The following RNF144A variants were observed in gnomAD, a reference collection of about 807,000 sequenced individuals.
RNF144A encodes ring finger protein 144A.
Under a neutral mutation model 38.7 loss-of-function variants are expected in RNF144A, and 11 were observed. That is an observed-to-expected ratio of 0.28 (90% CI 0.18 to 0.47). RNF144A has a LOEUF of 0.47. Ranked by LOEUF, RNF144A falls within the 20% of genes least tolerant of loss-of-function variation. RNF144A has a pLI of 0.99. For synonymous variants in RNF144A, 149 were observed against 143.9 expected (o/e 1.04, Z -0.25); for missense variants, 316 against 377.2 (o/e 0.84, Z 1.34).
intron 1 of RNF144A, among the ~76,000 whole-genome samples, chr2:6,925,716 G>T (rs1664813897): frequency 6.6e-6 from 1 of 152,154 alleles, no homozygotes; most frequent in African/African-American, 2.4e-5. Context: ...TTCTCACAAG[G>T]ACTTCAGTCA....
chr2:7,026,304 G>A (rs1671887647), intron 7 of RNF144A, among the ~76,000 whole-genome samples: 1 of 152,114 alleles, frequency 6.6e-6, no homozygotes, highest in Non-Finnish European at 1.5e-5. Context: ...GACAACATCT[G>A]GGTAAAATGT....
rs3772022 is a variant in RNF144A, at chr2:6,945,438, C to T, written c.-12+4291C>T. On this transcript the variant is annotated intron_variant, in intron 2 of 8. Transcript: ENST00000320892. Reference sequence around the variant, plus strand: ...ACTTTGGGCCATTTTCCTCCATATTCTGTGCTCTAGGCTATGATGTTAAGT... The same window carrying T: ...ACTTTGGGCCATTTTCCTCCATATTTTGTGCTCTAGGCTATGATGTTAAGT... 6.6e-3 allele frequency among the ~76,000 whole-genome samples: 1,008 copies of T among 152,302 alleles called. 76 individuals are homozygous for T. The East Asian group carries it at 0.17, about 26-fold the overall frequency.
the RNF144A span, among the ~76,000 whole-genome samples, chr2:7,075,060 A>G: frequency 1.3e-5 from 2 of 152,152 alleles, no homozygotes; most frequent in African/African-American, 4.8e-5. Flanking sequence ...TTTTATACCC[A>G]TGGATTCTAC....
intron 2 of RNF144A, among the ~76,000 whole-genome samples, chr2:6,978,367 AAG>A (rs1488062564): frequency 2.0e-5 from 3 of 152,190 alleles, no homozygotes; most frequent in African/African-American, 7.2e-5. Flanking sequence ...TCATTTCAAC[AAG>A]ATCCTTCCTG....
At chr2:7,052,634 A>G (rs933314409) in intron 6 of RNF144A, among the ~76,000 whole-genome samples, 11 of 152,280 alleles carry the variant, frequency 7.2e-5, no homozygotes, top group African/African-American at 2.6e-4. Context: ...CAGGCTCCCC[A>G]GGGACTCTTG....
chr2:6,988,551 C>G (rs1348360271), intron 2 of RNF144A, among the ~76,000 whole-genome samples: 1 of 152,194 alleles, frequency 6.6e-6, no homozygotes, highest in African/African-American at 2.4e-5. Context: ...GAGAGGAAGA[C>G]CCTAGAGGTG....
chr2:7,034,398 C>G (rs754635050), intron 8 of RNF144A, among the ~76,000 whole-genome samples: 4 of 152,188 alleles, frequency 2.6e-5, no homozygotes, highest in Admixed American at 2.0e-4. Flanking sequence ...GGACGCCCAC[C>G]CTCCTTAGGA....
intron 6 of RNF144A, 99 bp downstream of exon 6, chr2:7,020,779 G>A: frequency 9.2e-7 from 1 of 1,081,240 alleles, no homozygotes; most frequent in Non-Finnish European, 1.4e-6. Context: ...GTAAGTGGCT[G>A]TGGCTCAGTC....
At chr2:7,053,563 C>T (rs1673611146) in intron 6 of RNF144A, among the ~76,000 whole-genome samples, 2 of 152,184 alleles carry the variant, frequency 1.3e-5, no homozygotes, top group Admixed American at 1.3e-4. Context: ...ATCTGGAGGC[C>T]ACCCTTGAGT....
At chr2:6,956,122 G>A (rs1477892337) in intron 2 of RNF144A, among the ~76,000 whole-genome samples, 1 of 152,118 alleles carries the variant, frequency 6.6e-6, no homozygotes, top group African/African-American at 2.4e-5. Flanking sequence ...AAAGCTTATT[G>A]GGGGTTCTAA....
rs746719592 is a variant in RNF144A at position 7,039,658 on chromosome 2, G to A, written c.777G>A (p.Leu259=). Residue 259 remains leucine, a synonymous_variant, in exon 9 of 9, where the codon CTG becomes CTA. Coordinates refer to ENST00000320892, the MANE Select transcript of RNF144A (RefSeq NM_014746.6). The stretch of plus-strand genomic sequence containing the variant: ...TGGGCATTTTTGCAGGATTTGGGCT[G>A]CTGCTCTTGGTGGCCTCACCTTTCC... The part of the protein sequence containing the change: ...QVVGIFAGFG[L]LLLVASPFLL... 1 of 1,614,070 alleles carries A rather than the reference G, an allele frequency of 6.2e-7. No homozygotes were observed. The highest frequency in any genetic ancestry group is 8.5e-7 in the Non-Finnish European group (1 of 1,179,976).
At chr2:7,016,664 G>C (rs142926429) in intron 5 of RNF144A, among the ~76,000 whole-genome samples, 1 of 151,068 alleles carries the variant, frequency 6.6e-6, no homozygotes, top group African/African-American at 2.4e-5. Flanking sequence ...GACCTGTCTA[G>C]ATAAAACGTT....
intron 2 of RNF144A, among the ~76,000 whole-genome samples, chr2:6,964,526 T>C (rs1667531836): frequency 6.6e-6 from 1 of 152,236 alleles, no homozygotes; most frequent in African/African-American, 2.4e-5. Flanking sequence ...CACACGTATG[T>C]TTATTGTGGC....
At chr2:7,031,891 G>T (rs192273607) in intron 8 of RNF144A, among the ~76,000 whole-genome samples, 1 of 152,272 alleles carries the variant, frequency 6.6e-6, no homozygotes, top group East Asian at 1.9e-4. Context: ...CCAACGGTAC[G>T]TCAGTGAGTT....
At chr2:6,993,064 G>C (rs116053330) in intron 2 of RNF144A, among the ~76,000 whole-genome samples, 3 of 152,132 alleles carry the variant, frequency 2.0e-5, no homozygotes, top group Non-Finnish European at 4.4e-5. Context: ...GCAGCTGTTC[G>C]CTGTTTGCAA....
Position 7,040,264 on chromosome 2 carries a change from A to G in RNF144A, c.*504A>G, listed in dbSNP as rs1672966197. ...CTTTTTAGAAGGTATTTTTTTTCCAACTGAGTAGTGAAAATCAACAAGGTG... is the reference window on the plus strand; with the variant it reads ...CTTTTTAGAAGGTATTTTTTTTCCAGCTGAGTAGTGAAAATCAACAAGGTG... On this transcript the variant is annotated 3_prime_UTR_variant, in exon 9 of 9. Coordinates refer to ENST00000320892, the MANE Select transcript of RNF144A (RefSeq NM_014746.6). The G allele has an allele frequency of 1.0e-6, 1 of 985,466 alleles. No individual in the cohort carries two copies. The highest frequency in any genetic ancestry group is 1.7e-5 in the African/African-American group (1 of 57,204). 61.0% of individuals were successfully genotyped at this position (985,466 alleles called of 1,614,324 possible). A position where few individuals can be genotyped will look rare whatever the true frequency, so the allele number is the denominator to read the frequency against.
rs779116139 is a variant in RNF144A, at chr2:7,014,750, T to C, written c.279T>C (p.Tyr93=). The C allele has an allele frequency of 4.3e-6, 7 of 1,613,160 alleles. No individual in the cohort carries two copies. Among genetic ancestry groups the C allele is most frequent in the Non-Finnish European group, 5.1e-6 (6 of 1,179,154 alleles). ...CMVAAEIMQR[Y]KKLQFEREVL... is the part of the protein sequence containing the mutation. ...TTGCAGCTGAAATTATGCAAAGATATAAAAAGCTACAATTTGAAAGAGGTA... is the reference window on the plus strand; with the variant it reads ...TTGCAGCTGAAATTATGCAAAGATACAAAAAGCTACAATTTGAAAGAGGTA... Residue 93 remains tyrosine, a synonymous_variant, in exon 5 of 9, where the codon TAT becomes TAC. Coordinates refer to ENST00000320892, the MANE Select transcript of RNF144A (RefSeq NM_014746.6).
chr2:7,050,122 T>A (rs1429878430), intron 6 of RNF144A, among the ~76,000 whole-genome samples: 2 of 152,170 alleles, frequency 1.3e-5, no homozygotes, highest in African/African-American at 4.8e-5. Flanking sequence ...TTCCCTGTCC[T>A]CAGTTCGGGT....
At chr2:7,048,916 C>T (rs1673410072), downstream of RNF144A, among the ~76,000 whole-genome samples, 3 of 152,202 alleles carry the variant, frequency 2.0e-5, no homozygotes, top group South Asian at 6.2e-4. Flanking sequence ...CATTGGATAC[C>T]TACTTTGCAG....
Sources: allele counts gnomAD v4.1 joint callset (sites outside exome capture counted in the v4.1 genomes callset), GRCh38; gene constraint gnomAD v4.1.1; transcripts MANE v1.5; gene names NCBI Gene and HGNC (gene_info 2026-07-23, HGNC 2026-07-21).